MYO9B: variants seen among roughly 807,000 people sequenced by gnomAD.
The protein encoded by MYO9B is myosin IXB, also known as unconventional myosin-IXb.
A neutral mutation model predicts 229.5 loss-of-function variants in MYO9B; 71 were observed. That is an observed-to-expected ratio of 0.31 (90% CI 0.26 to 0.38). The LOEUF is 0.38. Ranked by LOEUF, MYO9B falls within the 10% of genes least tolerant of loss-of-function variation. The pLI is 1.00. For synonymous variants in MYO9B, 1,185 were observed against 1,235.8 expected, an observed-to-expected ratio of 0.96 and a Z score of 0.86; for missense variants, 2,255 against 2,920.5, an observed-to-expected ratio of 0.77 and a Z score of 5.25.
At chr19:17,183,768 T>A (rs968183221) in intron 15 of MYO9B, 61 bp from the exon 16 acceptor site, 4 of 1,457,652 alleles carry the variant, frequency 2.7e-6, no homozygotes, top group Non-Finnish European at 3.7e-6. Flanking sequence ...CTTGCTGAAC[T>A]AACCCAAATC....
Position 17,172,201 on chromosome 19 carries a change from G to C in MYO9B, c.1794-135G>C. 8.9e-7 allele frequency: 1 copy of C among 1,126,282 alleles called. No homozygotes were observed. The highest frequency in any genetic ancestry group is 1.5e-5 in the South Asian group (1 of 65,478). 69.8% of individuals were successfully genotyped at this position (1,126,282 alleles called of 1,614,324 possible). On this transcript the variant is annotated intron_variant, in intron 11 of 39. Coordinates refer to ENST00000682292, the MANE Select transcript of MYO9B (RefSeq NM_004145.4). This position sits in a 1 kb window ranked among gnomAD's most constrained non-coding sequence, Gnocchi z 8.2. ...CTTCACCCACCCCTCTGTGCACAGAGCCCTGTGCCACTTCACTGCTCTGCC... is the reference window on the plus strand; with the variant it reads ...CTTCACCCACCCCTCTGTGCACAGACCCCTGTGCCACTTCACTGCTCTGCC...
intron 24 of MYO9B, among the ~76,000 whole-genome samples, chr19:17,199,610 C>T (rs1343420677): frequency 6.6e-6 from 1 of 151,656 alleles, no homozygotes; most frequent in Non-Finnish European, 1.5e-5. Flanking sequence ...ACCTCTCAGG[C>T]TCAAGCGATT....
intron 19 of MYO9B, among the ~76,000 whole-genome samples, chr19:17,189,721 A>C (rs1401679925): frequency 7.2e-5 from 11 of 152,064 alleles, no homozygotes; most frequent in Non-Finnish European, 8.8e-5. Flanking sequence ...AGCCACCTCG[A>C]CCATCTAAAA....
chr19:17,078,658 A>G (rs998488), intron 1 of MYO9B, among the ~76,000 whole-genome samples: 18,487 of 152,200 alleles, frequency 0.12, 1,281 homozygotes, highest in Non-Finnish European at 0.13. Context: ...CTTTAGGACA[A>G]GGGGGATTCC....
intron 2 of MYO9B, among the ~76,000 whole-genome samples, chr19:17,108,662 G>A (rs1394572566): frequency 6.6e-6 from 1 of 152,174 alleles, no homozygotes; most frequent in Non-Finnish European, 1.5e-5. Flanking sequence ...CAGCCACTGA[G>A]CTTTTAGAAA....
chr19:17,206,225 G>GGGGCGC, intron 32 of MYO9B, 23 bp from the exon 33 acceptor site: 1 of 1,564,670 alleles, frequency 6.4e-7, no homozygotes, highest in Non-Finnish European at 8.7e-7. Flanking sequence ...CCGCTCACCA[G>GGGGCGC]ACCCACCCCA....
At chr19:17,094,671 G>A (rs563359883) in intron 1 of MYO9B, among the ~76,000 whole-genome samples, 18 of 152,338 alleles carry the variant, frequency 1.2e-4, no homozygotes, top group Non-Finnish European at 2.4e-4. Context: ...GCTGGGTGTG[G>A]TAGCTTAAAC....
At chr19:17,160,932 C>T (rs1453646080) in intron 8 of MYO9B, among the ~76,000 whole-genome samples, 3 of 152,032 alleles carry the variant, frequency 2.0e-5, no homozygotes, top group African/African-American at 4.8e-5. Context: ...CTCCTGACCT[C>T]AGGTGATCCA....
At chr19:17,078,819 G>C (rs1020299331) in intron 1 of MYO9B, among the ~76,000 whole-genome samples, 2 of 152,204 alleles carry the variant, frequency 1.3e-5, no homozygotes, top group African/African-American at 4.8e-5. Context: ...TCTGCCAACC[G>C]GCAGTGCGAG....
chr19:17,128,206 A>G (rs1403200640), intron 2 of MYO9B, among the ~76,000 whole-genome samples: 2 of 142,102 alleles, frequency 1.4e-5, no homozygotes, highest in Admixed American at 7.2e-5. Flanking sequence ...GCAAGACCCT[A>G]TCTATACTGA....
intron 4 of MYO9B, 56 bp downstream of exon 4, chr19:17,152,762 C>T (rs2072493091): frequency 1.3e-6 from 2 of 1,483,446 alleles, no homozygotes; most frequent in Non-Finnish European, 1.9e-6. Context: ...TACGTTTCCT[C>T]CTACAGAGGA....
rs1416195264 is a variant in MYO9B, at chr19:17,212,242, G to A, written c.6406G>A (p.Ala2136Thr). The A allele has an allele frequency of 4.4e-6, 7 of 1,579,594 alleles. No homozygotes were observed. The Admixed American group carries it at 5.5e-5, about 12-fold the overall frequency. Residue 2136 changes from alanine (A) to threonine (T), a missense_variant, in exon 40 of 40, where the codon GCC becomes ACC. Ala to Thr is a moderately conservative substitution (Grantham distance 58). Around this residue, in one of 7 missense-constraint regions of MYO9B, gnomAD observed 331 missense variants for 332.5 expected, o/e 1.00. Transcript: ENST00000682292. The surrounding 1 kb of genome is among the most constrained non-coding windows in gnomAD (Gnocchi z 5.4). ...PLEEDGQPPGAKRRYSDPPTY... is the reference protein window; with the variant it reads ...PLEEDGQPPGTKRRYSDPPTY... Reference sequence around the variant, plus strand: ...AGAAGAGGATGGCCAGCCACCTGGGGCCAAGCGGAGGTACTCGGATCCCCC... The same window carrying A: ...AGAAGAGGATGGCCAGCCACCTGGGACCAAGCGGAGGTACTCGGATCCCCC...
At chr19:17,079,764 C>G (rs924539683) in intron 1 of MYO9B, among the ~76,000 whole-genome samples, 5 of 152,184 alleles carry the variant, frequency 3.3e-5, no homozygotes, top group East Asian at 1.9e-4. Context: ...CCCACCAGCC[C>G]TTTGTGTGCC....
At chr19:17,094,100 A>G (rs1041140703) in intron 1 of MYO9B, among the ~76,000 whole-genome samples, 1 of 132,012 alleles carries the variant, frequency 7.6e-6, no homozygotes, top group African/African-American at 3.1e-5. Context: ...CAATGGCGCA[A>G]TCTCGGCACA....
At chr19:17,096,850 C>T (rs1237784509) in intron 1 of MYO9B, among the ~76,000 whole-genome samples, 21 of 151,176 alleles carry the variant, frequency 1.4e-4, no homozygotes, top group Middle Eastern at 3.4e-3. Flanking sequence ...GGACTACAGG[C>T]GCCCGCCACT....
At position 17,207,103 on chromosome 19, in the gene MYO9B, G is replaced by A; in HGVS notation, c.5493-10G>A. 1 of 1,610,512 alleles carries A rather than the reference G, an allele frequency of 6.2e-7. No individual in the cohort carries two copies. Among genetic ancestry groups the A allele is most frequent in the Non-Finnish European group, 8.5e-7 (1 of 1,179,182 alleles). On this transcript the variant is annotated splice_polypyrimidine_tract_variant and intron_variant, in intron 34 of 39. Transcript: ENST00000682292. ...CCCTAGCCATCCTCTAACTGCCAGT[G>A]GCTGTGCAGGGTGGCCCTGCTCGAG...
Position 17,181,879 on chromosome 19 carries a change from G to A in MYO9B, c.2333+839G>A, listed in dbSNP as rs550507023. On this transcript the variant is annotated intron_variant, in intron 15 of 39. Transcript: ENST00000682292. The stretch of plus-strand genomic sequence containing the variant: ...CAACCTCTGCCTCCCGGGTTCAAGC[G>A]ATTCTCCCACCTCAGCCTCCTGAGT... Among the ~76,000 whole-genome samples, 3 of 151,918 alleles carry A rather than the reference G, an allele frequency of 2.0e-5. No individual in the cohort carries two copies. The South Asian group carries it at 6.2e-4, about 32-fold the overall frequency.
At chr19:17,180,686 T>C (rs1367716387) in intron 14 of MYO9B, 8 of 467,428 alleles carry the variant, frequency 1.7e-5, no homozygotes, top group Non-Finnish European at 3.0e-5. Context: ...TGATCTGTGT[T>C]GCCAAGTCCA....
At chr19:17,087,890 A>G (rs1357565246) in intron 1 of MYO9B, among the ~76,000 whole-genome samples, 2 of 149,666 alleles carry the variant, frequency 1.3e-5, no homozygotes, top group Non-Finnish European at 3.0e-5. Context: ...AGATCGCGCC[A>G]TTGCACTCCA....
Sources: gnomAD v4.1 joint callset for allele counts (sites outside exome capture counted in the v4.1 genomes callset) on GRCh38, gnomAD v4.1.1 for gene constraint, gnomAD v4.1.1 regional missense constraint, Gnocchi (gnomAD v3.1) non-coding constraint, MANE v1.5 for transcripts, NCBI Gene and HGNC (gene_info 2026-07-23, HGNC 2026-07-21) for gene names.